Variants in EPHA3 observed in about 807,000 individuals in gnomAD.
EPHA3 encodes ephrin type-A receptor 3.
Under a neutral mutation model 107.1 loss-of-function variants are expected in EPHA3, and 42 were observed. The ratio of observed to expected loss-of-function variants is 0.39; its 90% CI spans 0.31 to 0.51. The LOEUF is 0.51. EPHA3 is among the 20% of genes least tolerant of loss of function. The pLI is 0.78. For missense variants in EPHA3, 1,183 were observed against 1,211.2 expected (o/e 0.98, Z 0.35); for synonymous variants, 461 against 424.8 (o/e 1.09, Z -1.05).
intron 15 of EPHA3, among the ~76,000 whole-genome samples, chr3:89,460,102 C>G (rs1364010379): frequency 1.3e-5 from 2 of 151,328 alleles, no homozygotes; most frequent in Middle Eastern, 3.2e-3. Flanking sequence ...AGTAAGATAC[C>G]CTTTTTATTT....
chr3:89,203,693 C>T (rs758088281), intron 2 of EPHA3, among the ~76,000 whole-genome samples: 1 of 151,962 alleles, frequency 6.6e-6, no homozygotes, highest in Non-Finnish European at 1.5e-5. Flanking sequence ...AGGAGAATGG[C>T]GTGAACCTGG....
At chr3:89,479,322 A>G in intron 16 of EPHA3, 75 bp from the exon 17 acceptor site, 1 of 1,159,224 alleles carries the variant, frequency 8.6e-7, no homozygotes, top group South Asian at 1.3e-5. Flanking sequence ...CATCGTGCAA[A>G]TTGTGCTAAT....
At chr3:89,111,484 C>T (rs1707106562) in intron 1 of EPHA3, among the ~76,000 whole-genome samples, 1 of 151,282 alleles carries the variant, frequency 6.6e-6, no homozygotes, top group Admixed American at 6.6e-5. Flanking sequence ...AATTTAATAG[C>T]TCTCCTAATA....
rs532846815 is a variant in EPHA3 at position 89,138,363 on chromosome 3, T to C, written c.153+11090T>C. Among the ~76,000 whole-genome samples, 14 of 151,974 alleles carry C rather than the reference T, an allele frequency of 9.2e-5. No individual in the cohort carries two copies. The East Asian group carries it at 1.6e-3, about 17-fold the overall frequency. On this transcript the variant is annotated intron_variant, in intron 2 of 16. Coordinates refer to ENST00000336596, the MANE Select transcript of EPHA3 (RefSeq NM_005233.6). The stretch of plus-strand genomic sequence containing the variant: ...TCAATATTTACAAATACTTGTACAG[T>C]ATTTATATATCTGGAATCCATTGCT...
At chr3:89,442,640 A>G (rs1320852174) in intron 13 of EPHA3, among the ~76,000 whole-genome samples, 3 of 152,148 alleles carry the variant, frequency 2.0e-5, no homozygotes, top group Admixed American at 2.0e-4. Flanking sequence ...AACCTTGCCT[A>G]CAAGGTTCCC....
intron 3 of EPHA3, among the ~76,000 whole-genome samples, chr3:89,305,895 C>T (rs373003586): frequency 6.6e-6 from 1 of 151,896 alleles, no homozygotes; most frequent in Admixed American, 6.6e-5. Flanking sequence ...AATATCATAC[C>T]GAAGTAATTT....
At chr3:89,401,607 A>G (rs971031521) in intron 7 of EPHA3, among the ~76,000 whole-genome samples, 3 of 152,100 alleles carry the variant, frequency 2.0e-5, no homozygotes, top group Admixed American at 2.0e-4. Context: ...AACTTTTCTC[A>G]AAATCTCTTT....
chr3:89,172,363 T>A (rs904347818), intron 2 of EPHA3, among the ~76,000 whole-genome samples: 2 of 152,074 alleles, frequency 1.3e-5, no homozygotes, highest in African/African-American at 4.8e-5. Context: ...CTGTTTGGGA[T>A]GGGGGAAAGA....
chr3:89,375,052 G>A (rs1395098101), intron 5 of EPHA3, among the ~76,000 whole-genome samples: 1 of 151,646 alleles, frequency 6.6e-6, no homozygotes, highest in African/African-American at 2.4e-5. Flanking sequence ...ACGTTGCTGG[G>A]GTAGAGATAT....
chr3:89,441,422 A>G (rs891748219), intron 13 of EPHA3, among the ~76,000 whole-genome samples: 7 of 152,224 alleles, frequency 4.6e-5, no homozygotes, highest in African/African-American at 1.7e-4. Context: ...ATACATAAAT[A>G]TATCTTGGGA....
At chr3:89,472,659 TTTGAACTTTCTTGGCTTGACATGAAAGA>T in intron 16 of EPHA3, 40 bp downstream of exon 16, 1 of 1,499,088 alleles carries the variant, frequency 6.7e-7, no homozygotes, top group Non-Finnish European at 9.1e-7. Context: ...GAAGGATTCT[TTTGAACTTTCTTGGCTTGACATGAAAGA>T]TTTGTAACAT....
chr3:89,336,819 G>T (rs1707402640), intron 3 of EPHA3, among the ~76,000 whole-genome samples: 1 of 152,090 alleles, frequency 6.6e-6, no homozygotes, highest in Admixed American at 6.6e-5. Context: ...CCAGCACTTT[G>T]GGAAGCTGAA....
chr3:89,174,236 G>A (rs1705272382), intron 2 of EPHA3, among the ~76,000 whole-genome samples: 1 of 152,002 alleles, frequency 6.6e-6, no homozygotes, highest in African/African-American at 2.4e-5. Context: ...GTGATACTAG[G>A]TGTTCTCATA....
At chr3:89,477,848 A>C (rs1196474804) in intron 16 of EPHA3, among the ~76,000 whole-genome samples, 1 of 152,042 alleles carries the variant, frequency 6.6e-6, no homozygotes, top group Non-Finnish European at 1.5e-5. Context: ...AAAGAATCCC[A>C]GTTCACATGG....
chr3:89,310,849 T>C (rs768325539), intron 3 of EPHA3, among the ~76,000 whole-genome samples: 4 of 151,980 alleles, frequency 2.6e-5, no homozygotes, highest in Non-Finnish European at 5.9e-5. Flanking sequence ...GTATCAGCAA[T>C]AGTAAAAAAG....
chr3:89,173,745 C>A (rs1358162823), intron 2 of EPHA3, among the ~76,000 whole-genome samples: 5 of 151,734 alleles, frequency 3.3e-5, no homozygotes, highest in African/African-American at 1.2e-4. Flanking sequence ...CAGGCTGACT[C>A]TAAAATAAGC....
At chr3:89,143,681 T>C (rs1231830423) in intron 2 of EPHA3, among the ~76,000 whole-genome samples, 1 of 151,598 alleles carries the variant, frequency 6.6e-6, no homozygotes, top group Non-Finnish European at 1.5e-5. Flanking sequence ...TGTTAAATCT[T>C]ACATAACTGT....
At chr3:89,317,426 G>A (rs116411665) in intron 3 of EPHA3, among the ~76,000 whole-genome samples, 9 of 151,798 alleles carry the variant, frequency 5.9e-5, no homozygotes, top group African/African-American at 9.6e-5. Flanking sequence ...GCAAATGGGG[G>A]TGGAGAGGGA....
intron 5 of EPHA3, among the ~76,000 whole-genome samples, chr3:89,392,721 A>T (rs1182103002): frequency 6.6e-6 from 1 of 152,154 alleles, no homozygotes; most frequent in Non-Finnish European, 1.5e-5. Flanking sequence ...TTTTGTACAG[A>T]AAAACACTGA....
Sources: allele counts gnomAD v4.1 joint callset (sites outside exome capture counted in the v4.1 genomes callset), GRCh38; gene constraint gnomAD v4.1.1; transcripts MANE v1.5; gene names NCBI Gene and HGNC (gene_info 2026-07-23, HGNC 2026-07-21).